Variants in LYPD6B observed in about 807,000 individuals in gnomAD.
LYPD6B encodes the protein LY6/PLAUR domain containing 6B, also known as ly6/PLAUR domain-containing protein 6B.
Under a neutral mutation model 22.8 loss-of-function variants are expected in LYPD6B, and 17 were observed. That is an observed-to-expected ratio of 0.75 (90% confidence interval 0.51 to 1.12). LYPD6B has a LOEUF of 1.12. Ranked by LOEUF, LYPD6B falls within the 50% of genes most tolerant of loss-of-function variation. LYPD6B has a pLI of 0.00. For missense variants in LYPD6B, 221 were observed against 258.3 expected (o/e 0.86, Z 0.99); for synonymous variants, 106 against 91.6 (o/e 1.16, Z -0.90).
intron 1 of LYPD6B, among the ~76,000 whole-genome samples, chr2:149,116,894 C>A (rs1347264177): frequency 6.6e-6 from 1 of 152,114 alleles, no homozygotes; most frequent in East Asian, 1.9e-4. Flanking sequence ...CTCTTTGATC[C>A]TTGGCTTCCT....
chr2:149,186,563 G>A (rs1175085772), intron 3 of LYPD6B, among the ~76,000 whole-genome samples: 1 of 152,220 alleles, frequency 6.6e-6, no homozygotes, highest in African/African-American at 2.4e-5. Context: ...ATCTAGCTAA[G>A]ATCATTGATG....
In LYPD6B at chr2:149,138,447, G is replaced by A. The variant is rs554431518; in HGVS notation, c.5+7494G>A. Among the ~76,000 whole-genome samples the A allele has an allele frequency of 5.3e-5, 8 of 152,358 alleles. No homozygotes were observed. The East Asian group carries it at 7.7e-4, about 15-fold the overall frequency. ...CTTTGCCACATAAGCAGGTGCAGATGTGGATGGGAAAATCCATGTGTGACC... is the reference window on the plus strand; with the variant it reads ...CTTTGCCACATAAGCAGGTGCAGATATGGATGGGAAAATCCATGTGTGACC... On this transcript the variant is annotated intron_variant, in intron 2 of 6. Coordinates refer to ENST00000409642, the MANE Select transcript of LYPD6B (RefSeq NM_177964.5).
chr2:149,069,826 C>G (rs1684516372), intron 1 of LYPD6B, among the ~76,000 whole-genome samples: 1 of 151,956 alleles, frequency 6.6e-6, no homozygotes, highest in Admixed American at 6.6e-5. Flanking sequence ...GAAGCTTACA[C>G]TCAAAGCCAT....
intron 2 of LYPD6B, among the ~76,000 whole-genome samples, chr2:149,152,849 T>C (rs1210900969): frequency 6.6e-6 from 1 of 152,166 alleles, no homozygotes; most frequent in Non-Finnish European, 1.5e-5. Flanking sequence ...AGTAGGAATT[T>C]AGCTATGTTG....
intron 1 of LYPD6B, among the ~76,000 whole-genome samples, chr2:149,123,907 G>T (rs1687532442): frequency 6.6e-6 from 1 of 152,148 alleles, no homozygotes; most frequent in South Asian, 2.1e-4. Context: ...AAAGACCACA[G>T]TTCTTCACCG....
chr2:149,190,406 A>G (rs1048060552), intron 3 of LYPD6B, among the ~76,000 whole-genome samples: 1 of 152,190 alleles, frequency 6.6e-6, no homozygotes, highest in Non-Finnish European at 1.5e-5. Flanking sequence ...ATCATTGTAC[A>G]TGTATGCAAG....
intron 1 of LYPD6B, among the ~76,000 whole-genome samples, chr2:149,061,430 T>A (rs1051929345): frequency 5.9e-5 from 9 of 152,222 alleles, no homozygotes; most frequent in Admixed American, 5.9e-4. Context: ...CCAATATAAT[T>A]GAAGGAATTG....
At chr2:149,214,229 C>T (rs185687265) in intron 6 of LYPD6B, among the ~76,000 whole-genome samples, 26 of 152,186 alleles carry the variant, frequency 1.7e-4, no homozygotes, top group Admixed American at 1.6e-3. Context: ...TTTTCCCTTA[C>T]AAACCTTTAG....
chr2:149,103,193 C>T (rs1419231531), intron 1 of LYPD6B, among the ~76,000 whole-genome samples: 1 of 152,126 alleles, frequency 6.6e-6, no homozygotes, highest in Non-Finnish European at 1.5e-5. Flanking sequence ...CAGCAGTTGG[C>T]ACAAACATGG....
intron 1 of LYPD6B, among the ~76,000 whole-genome samples, chr2:149,115,895 C>T (rs1014984697): frequency 4.6e-5 from 7 of 152,204 alleles, no homozygotes; most frequent in Non-Finnish European, 1.0e-4. Context: ...AATAGTGTGA[C>T]ACAACCTCTC....
At chr2:149,107,872 T>C (rs1436988523) in intron 1 of LYPD6B, among the ~76,000 whole-genome samples, 1 of 152,246 alleles carries the variant, frequency 6.6e-6, no homozygotes, top group African/African-American at 2.4e-5. Context: ...TAACTGCCAG[T>C]TAAATCAAGT....
chr2:149,161,243 G>A (rs1205848189), intron 3 of LYPD6B, among the ~76,000 whole-genome samples: 2 of 152,290 alleles, frequency 1.3e-5, no homozygotes, highest in East Asian at 3.9e-4. Flanking sequence ...AATACACTTA[G>A]AACATGTGTG....
chr2:149,159,291 G>A (rs1575085543), intron 2 of LYPD6B, among the ~76,000 whole-genome samples: 1 of 152,070 alleles, frequency 6.6e-6, no homozygotes, highest in Non-Finnish European at 1.5e-5. Flanking sequence ...ACACTCTTGA[G>A]GAGTATGTGT....
chr2:149,052,641 G>T (rs1443079423), intron 1 of LYPD6B, among the ~76,000 whole-genome samples: 1 of 152,122 alleles, frequency 6.6e-6, no homozygotes, highest in Non-Finnish European at 1.5e-5. Context: ...CAGAGGTGTT[G>T]CCTGGGCAAA....
At chr2:149,156,913 A>C (rs1297343570) in intron 2 of LYPD6B, among the ~76,000 whole-genome samples, 1 of 152,160 alleles carries the variant, frequency 6.6e-6, no homozygotes, top group African/African-American at 2.4e-5. Context: ...GATTCAGGCT[A>C]ATGGGACTAT....
chr2:149,207,785 C>G (rs1488035330), intron 4 of LYPD6B, among the ~76,000 whole-genome samples: 1 of 152,138 alleles, frequency 6.6e-6, no homozygotes, highest in Admixed American at 6.5e-5. Context: ...CTAGAGACTA[C>G]AAGGTATTTT....
chr2:149,136,696 C>T (rs962344176), intron 2 of LYPD6B, among the ~76,000 whole-genome samples: 2 of 152,206 alleles, frequency 1.3e-5, no homozygotes, highest in African/African-American at 2.4e-5. Flanking sequence ...TCTGCAGAGG[C>T]ATTTGTCCTT....
intron 3 of LYPD6B, among the ~76,000 whole-genome samples, chr2:149,187,141 G>T (rs531505525): frequency 6.6e-6 from 1 of 152,268 alleles, no homozygotes; most frequent in African/African-American, 2.4e-5. Flanking sequence ...TAAAACATTT[G>T]TGTGACTTGC....
chr2:149,191,243 A>C (rs1454951361), intron 3 of LYPD6B, among the ~76,000 whole-genome samples: 1 of 152,214 alleles, frequency 6.6e-6, no homozygotes, highest in African/African-American at 2.4e-5. Flanking sequence ...ACTTTTTAGA[A>C]TATATCCTCT....
Sources: gnomAD v4.1 joint callset for allele counts (sites outside exome capture counted in the v4.1 genomes callset) on GRCh38, gnomAD v4.1.1 for gene constraint, MANE v1.5 for transcripts, NCBI Gene and HGNC (gene_info 2026-07-23, HGNC 2026-07-21) for gene names.